Variants in TRMT10B observed in about 807,000 individuals in gnomAD.
The protein encoded by TRMT10B is tRNA methyltransferase 10 homolog B.
In TRMT10B, 33 loss-of-function variants were observed where a neutral mutation model predicts 43.8. The observed-to-expected ratio is 0.75, with a 90% confidence interval of 0.57 to 1.01. TRMT10B has a LOEUF of 1.01. TRMT10B is among the 50% of genes least tolerant of loss of function. The pLI, the probability that TRMT10B is intolerant of heterozygous loss-of-function variation, is 0.00. For synonymous variants in TRMT10B, 137 were observed against 130.6 expected, an observed-to-expected ratio of 1.05 and a Z score of -0.34; for missense variants, 362 against 369.8, an observed-to-expected ratio of 0.98 and a Z score of 0.17.
At chr9:37,755,202 C>T (rs954322787) in intron 1 of TRMT10B, among the ~76,000 whole-genome samples, 1 of 150,954 alleles carries the variant, frequency 6.6e-6, no homozygotes, top group Non-Finnish European at 1.5e-5. Flanking sequence ...ACCTGGGAGG[C>T]AAAGCTTGCA....
chr9:37,761,673 G>A (rs1826347514), intron 1 of TRMT10B, among the ~76,000 whole-genome samples: 1 of 152,188 alleles, frequency 6.6e-6, no homozygotes, highest in South Asian at 2.1e-4. Flanking sequence ...ACTCCAGCCT[G>A]AGTAACGAGA....
At chr9:37,764,158 G>T (rs1826724960) in intron 4 of TRMT10B, among the ~76,000 whole-genome samples, 1 of 151,764 alleles carries the variant, frequency 6.6e-6, no homozygotes, top group African/African-American at 2.4e-5. Flanking sequence ...TTTTGTTGTT[G>T]TTTTTTTGAG....
At chr9:37,753,188 C>T (rs562448060), upstream of TRMT10B, among the ~76,000 whole-genome samples, 22 of 152,242 alleles carry the variant, frequency 1.4e-4, no homozygotes, top group South Asian at 6.2e-4. Context: ...GAAGAAACTC[C>T]AGACACGCAG....
chr9:37,757,107 CAG>C (rs968274687), intron 1 of TRMT10B, among the ~76,000 whole-genome samples: 15 of 151,720 alleles, frequency 9.9e-5, no homozygotes, highest in Admixed American at 9.9e-4. Context: ...GTTTTTGAAA[CAG>C]GGTTTGCTGT....
chr9:37,769,987 C>T lies in TRMT10B; in HGVS notation c.620C>T (p.Thr207Ile), dbSNP rs1352933572. Residue 207 changes from threonine to isoleucine, a missense_variant, in exon 6 of 9, where the codon ACC becomes ATC. Transcript: ENST00000297994. ...EDCFSLFPLE[T>I]LVYLTPDSEH... The stretch of plus-strand genomic sequence containing the variant: ...TGCTTTAGTTTATTTCCCTTGGAAA[C>T]CCTTGTGTACCTGACTCCTGACTCA... The T allele has an allele frequency of 6.2e-7, 1 of 1,614,122 alleles. No homozygotes were observed. Among genetic ancestry groups the T allele is most frequent in the South Asian group, 1.1e-5 (1 of 91,090 alleles).
chr9:37,778,472 G>C lies in TRMT10B; in HGVS notation c.*765G>C, dbSNP rs1828413624. On this transcript the variant is annotated 3_prime_UTR_variant, in exon 9 of 9. Transcript: ENST00000297994. ...GGAGGTTGTAGTGAGCCAAGATCCAGCCTGGGCGACAGAGCCAGACTCTTG... is the reference window on the plus strand; with the variant it reads ...GGAGGTTGTAGTGAGCCAAGATCCACCCTGGGCGACAGAGCCAGACTCTTG... 1.3e-5 allele frequency: 2 copies of C among 151,820 alleles called. No homozygotes were observed. Among genetic ancestry groups the C allele is most frequent in the South Asian group, 4.2e-4 (2 of 4,790 alleles). 9.4% of individuals were successfully genotyped at this position (151,820 alleles called of 1,614,324 possible).
chr9:37,753,778 C>G (rs1281257258), upstream of TRMT10B: 2 of 152,182 alleles, frequency 1.3e-5, no homozygotes, highest in South Asian at 2.1e-4. Flanking sequence ...AGCGGAGTTA[C>G]GAAGCGGAAG....
chr9:37,770,682 T>A lies in TRMT10B; in HGVS notation c.663T>A (p.Asp221Glu). Residue 221 changes from aspartate to glutamate, a missense_variant, in exon 7 of 9, where the codon GAT (aspartate) becomes GAA (glutamate). Physicochemically the swap from Asp to Glu is conservative, Grantham distance 45. Coordinates refer to ENST00000297994, the MANE Select transcript of TRMT10B (RefSeq NM_144964.4). ...LTPDSEHALE[D>E]VDLNKVYILG... ...TCATTTTTTCATTAGCTCTTGAAGA[T>A]GTTGATCTAAACAAAGTTTACATCC... is the stretch of plus-strand genomic sequence containing the variant. 6.2e-7 allele frequency: 1 copy of A among 1,613,958 alleles called. No homozygotes were observed. The highest frequency in any genetic ancestry group is 8.5e-7 in the Non-Finnish European group (1 of 1,180,028).
chr9:37,763,159 A>AAAAAAAAC, intron 3 of TRMT10B, among the ~76,000 whole-genome samples: 1 of 143,102 alleles, frequency 7.0e-6, no homozygotes, highest in South Asian at 2.2e-4. Flanking sequence ...AAAAAAAAAA[A>AAAAAAAAC]AAAAAACAAA....
chr9:37,773,912 C>T (rs1360373011), intron 7 of TRMT10B, among the ~76,000 whole-genome samples: 1 of 148,146 alleles, frequency 6.8e-6, no homozygotes, highest in Non-Finnish European at 1.5e-5. Flanking sequence ...GGTCACACCA[C>T]TGCACTTCAG....
chr9:37,764,293 C>T (rs1351613019), intron 4 of TRMT10B, among the ~76,000 whole-genome samples: 2 of 150,240 alleles, frequency 1.3e-5, no homozygotes, highest in African/African-American at 4.9e-5. Flanking sequence ...GGATTACAGG[C>T]GTCTGCCACC....
intron 8 of TRMT10B, among the ~76,000 whole-genome samples, chr9:37,777,148 C>T (rs952536544): frequency 1.7e-5 from 2 of 116,560 alleles, no homozygotes; most frequent in African/African-American, 3.4e-5. Flanking sequence ...GAGCTGAGAT[C>T]GTGCCATTGC....
Position 37,763,165 on chromosome 9 carries a change from A to C in TRMT10B, c.296-464A>C, listed in dbSNP as rs752496052. Among the ~76,000 whole-genome samples, 238 of 143,918 alleles carry C rather than the reference A, an allele frequency of 1.7e-3. 5 individuals carry two copies. Among genetic ancestry groups the C allele is most frequent in the African/African-American group, 5.8e-3 (228 of 39,626 alleles). The allele number at this position is 143,918 out of a possible 152,430, so 94.4% of individuals were successfully genotyped here. ...TCTCAAAAAAAAAAAAAAAAAAAAAACAAAAAAAAAAATTTAAGGCTGCTT... is the reference window on the plus strand; with the variant it reads ...TCTCAAAAAAAAAAAAAAAAAAAAACCAAAAAAAAAAATTTAAGGCTGCTT... On this transcript the variant is annotated intron_variant, in intron 3 of 8. Transcript: ENST00000297994.
intron 6 of TRMT10B, 57 bp downstream of exon 6, chr9:37,770,076 C>A: frequency 6.8e-7 from 1 of 1,468,016 alleles, no homozygotes; most frequent in South Asian, 1.1e-5. Flanking sequence ...TTCATTATTC[C>A]CTGTGGCAGA....
In TRMT10B at chr9:37,759,224, C is replaced by T. The variant is rs76935091; in HGVS notation, c.-29-2679C>T. 7.0e-3 allele frequency among the ~76,000 whole-genome samples: 1,062 copies of T among 152,238 alleles called. 14 individuals are homozygous for T. Among genetic ancestry groups the T allele is most frequent in the African/African-American group, 0.024 (982 of 41,538 alleles). Reference sequence around the variant, plus strand: ...GTTCATAGCAGATTTATTCCCCAAGCTGGAAAAGATCTCAAATGCCCATCA... The same window carrying T: ...GTTCATAGCAGATTTATTCCCCAAGTTGGAAAAGATCTCAAATGCCCATCA... On this transcript the variant is annotated intron_variant, in intron 1 of 8. Transcript: ENST00000297994.
At chr9:37,775,942 G>A (rs1486399231) in intron 7 of TRMT10B, among the ~76,000 whole-genome samples, 2 of 152,222 alleles carry the variant, frequency 1.3e-5, no homozygotes, top group South Asian at 2.1e-4. Context: ...TTGGCAATGA[G>A]CTGGAAGTTC....
In TRMT10B at chr9:37,777,824, G is replaced by A; in HGVS notation, c.*117G>A. 2 of 736,344 alleles carry A rather than the reference G, an allele frequency of 2.7e-6. No homozygotes were observed. The highest frequency in any genetic ancestry group is 4.6e-6 in the Non-Finnish European group (2 of 436,588). The allele number at this position is 736,344 out of a possible 1,614,324, so 45.6% of individuals were successfully genotyped here. The stretch of plus-strand genomic sequence containing the variant: ...AGTTCACGACCAGCCTGGCCAACAT[G>A]GTGAAACCCTTCTCTACTGAAAATA... On this transcript the variant is annotated 3_prime_UTR_variant, in exon 9 of 9. Transcript: ENST00000297994.
At position 37,778,776 on chromosome 9, in the gene TRMT10B, A is replaced by G. The variant is rs1424407141; in HGVS notation, c.*1069A>G. 2 of 152,096 alleles carry G rather than the reference A, an allele frequency of 1.3e-5. No homozygotes were observed. The highest frequency in any genetic ancestry group is 1.3e-4 in the Admixed American group (2 of 15,262). The allele number at this position is 152,096 out of a possible 1,614,324, so 9.4% of individuals were successfully genotyped here. A position where few individuals can be genotyped will look rare whatever the true frequency, so the allele number is the denominator to read the frequency against. ...CCTATCCCTACTGAGTCCCCATAGC[A>G]TTTTGTTCCCTCCTGTGGCTCTTAC... On this transcript the variant is annotated 3_prime_UTR_variant, in exon 9 of 9. Coordinates refer to ENST00000297994, the MANE Select transcript of TRMT10B (RefSeq NM_144964.4).
chr9:37,764,067 C>A (rs1208311365), intron 4 of TRMT10B, among the ~76,000 whole-genome samples: 1 of 152,170 alleles, frequency 6.6e-6, no homozygotes, highest in Non-Finnish European at 1.5e-5. Context: ...AGACACTAAA[C>A]CTTTGGGAAG....
Sources: gnomAD v4.1 joint callset for allele counts (sites outside exome capture counted in the v4.1 genomes callset) on GRCh38, gnomAD v4.1.1 for gene constraint, MANE v1.5 for transcripts, NCBI Gene and HGNC (gene_info 2026-07-23, HGNC 2026-07-21) for gene names.